The following CTNNA3 variants were observed in gnomAD, a reference collection of about 807,000 sequenced individuals.
The protein encoded by CTNNA3 is catenin alpha 3, also known as catenin alpha-3.
Under a neutral mutation model 95.7 loss-of-function variants are expected in CTNNA3, and 76 were observed. The observed-to-expected ratio is 0.79, with a 90% CI of 0.66 to 0.96. CTNNA3 has a LOEUF of 0.96. Ranked by LOEUF, CTNNA3 falls within the 40% of genes least tolerant of loss-of-function variation. The pLI is 0.00. For missense variants in CTNNA3, 1,191 were observed against 1,089.8 expected (o/e 1.09, Z -1.31); for synonymous variants, 431 against 374.4 (o/e 1.15, Z -1.74).
At chr10:66,243,253 A>G (rs1382880441) in intron 13 of CTNNA3, among the ~76,000 whole-genome samples, 1 of 152,230 alleles carries the variant, frequency 6.6e-6, no homozygotes, top group African/African-American at 2.4e-5. Flanking sequence ...ATATCTTTAA[A>G]CAGCCCTGTA....
At chr10:67,649,570 A>G (rs986517381) in intron 1 of CTNNA3, among the ~76,000 whole-genome samples, 4 of 152,220 alleles carry the variant, frequency 2.6e-5, no homozygotes, top group African/African-American at 7.2e-5. Flanking sequence ...ATAAATCCTT[A>G]AAGAACTTGG....
chr10:67,257,692 C>A (rs534678044), intron 5 of CTNNA3, among the ~76,000 whole-genome samples: 73 of 151,994 alleles, frequency 4.8e-4, no homozygotes, highest in African/African-American at 1.4e-3. Context: ...TTTTGTCTTG[C>A]GTCATTTTTG....
At chr10:67,603,571 G>A (rs1194775950) in intron 3 of CTNNA3, among the ~76,000 whole-genome samples, 2 of 151,004 alleles carry the variant, frequency 1.3e-5, no homozygotes, top group African/African-American at 2.4e-5. Context: ...GTGTATTTGT[G>A]TCTTAGATTT....
chr10:66,200,259 G>A (rs935804450), intron 13 of CTNNA3, among the ~76,000 whole-genome samples: 2 of 151,264 alleles, frequency 1.3e-5, no homozygotes, highest in African/African-American at 4.9e-5. Context: ...GGAGGAGAGG[G>A]AAGGGAAGGC....
intron 7 of CTNNA3, among the ~76,000 whole-genome samples, chr10:67,178,110 G>A (rs995444330): frequency 2.0e-5 from 3 of 152,010 alleles, no homozygotes; most frequent in African/African-American, 7.2e-5. Flanking sequence ...TGACTTCCTG[G>A]GATAGGTCCT....
chr10:66,461,973 C>T (rs371071278), intron 11 of CTNNA3, among the ~76,000 whole-genome samples: 62 of 151,690 alleles, frequency 4.1e-4, no homozygotes, highest in Middle Eastern at 3.4e-3. Context: ...CCACCACACC[C>T]GGCTAATTTT....
chr10:67,221,667 T>A (rs1864665417), intron 5 of CTNNA3, among the ~76,000 whole-genome samples: 1 of 152,104 alleles, frequency 6.6e-6, no homozygotes, highest in Non-Finnish European at 1.5e-5. Flanking sequence ...CTCCGCCTCC[T>A]GGGTTTATGC....
chr10:66,176,680 G>C (rs2085729681), intron 13 of CTNNA3, among the ~76,000 whole-genome samples: 1 of 151,996 alleles, frequency 6.6e-6, no homozygotes, highest in African/African-American at 2.4e-5. Context: ...GCCCCAGAGA[G>C]CTAGCTACCA....
chr10:66,314,428 C>G (rs2092070327), intron 12 of CTNNA3, among the ~76,000 whole-genome samples: 1 of 150,446 alleles, frequency 6.6e-6, no homozygotes, highest in Non-Finnish European at 1.5e-5. Flanking sequence ...TGGAAAACAT[C>G]TGTGTGATTA....
intron 8 of CTNNA3, among the ~76,000 whole-genome samples, chr10:66,771,785 ATGT>A (rs1379428329): frequency 3.9e-5 from 6 of 152,218 alleles, no homozygotes; most frequent in African/African-American, 1.4e-4. Flanking sequence ...TAAATGAGAG[ATGT>A]TGTCATAGCT....
rs1048975116 is a variant in CTNNA3 at position 67,001,193 on chromosome 10, C to T, written c.1047+179124G>A. Reference sequence around the variant, plus strand: ...GTGTGTGCCTGTAATCCCAGCTACTCGGGAGGGTGAGGCAGGAGAATCGCT... The same window carrying T: ...GTGTGTGCCTGTAATCCCAGCTACTTGGGAGGGTGAGGCAGGAGAATCGCT... On this transcript the variant is annotated intron_variant, in intron 7 of 17. Transcript: ENST00000433211. 3.3e-5 allele frequency among the ~76,000 whole-genome samples: 5 copies of T among 149,454 alleles called. No homozygotes were observed. The East Asian group carries it at 7.9e-4, about 24-fold the overall frequency.
rs59062164 is a variant in CTNNA3, at chr10:66,570,275, A to ATTTGTTTTGT, written c.1375-49512_1375-49503dup. Among the ~76,000 whole-genome samples the ATTTGTTTTGT allele has an allele frequency of 5.8e-4, 88 of 151,134 alleles. 1 individual carries two copies. In the South Asian group the frequency reaches 9.1e-3, roughly 16 times the overall value. On this transcript the variant is annotated intron_variant, in intron 10 of 17. Transcript: ENST00000433211. ...TTTCCTTATACCTTTCAAAAATATG[A>ATTTGTTTTGT]TTTGTTTTGTTTTGTTTTGTTTTGT...
intron 11 of CTNNA3, among the ~76,000 whole-genome samples, chr10:66,393,195 G>C (rs7897082): frequency 1.3e-5 from 2 of 151,916 alleles, no homozygotes; most frequent in Non-Finnish European, 1.5e-5. Context: ...GCAAAGCTAC[G>C]GGAACAATAA....
At chr10:66,099,120 G>A (rs1327227748) in intron 14 of CTNNA3, among the ~76,000 whole-genome samples, 1 of 152,178 alleles carries the variant, frequency 6.6e-6, no homozygotes, top group African/African-American at 2.4e-5. Flanking sequence ...CAATACAGCA[G>A]AGTCTGCATG....
intron 13 of CTNNA3, among the ~76,000 whole-genome samples, chr10:66,246,813 G>T (rs545860161): frequency 2.3e-4 from 35 of 152,042 alleles, no homozygotes; most frequent in Non-Finnish European, 2.4e-4. Flanking sequence ...AGCACTTTGG[G>T]AGGCCAAGGC....
chr10:66,560,716 C>T (rs75195212), intron 10 of CTNNA3, among the ~76,000 whole-genome samples: 7,644 of 151,930 alleles, frequency 0.05, 246 homozygotes, highest in African/African-American at 0.075. Context: ...AAAATTCATA[C>T]GTTGAAGTCT....
At chr10:66,717,485 A>G (rs550630286) in intron 9 of CTNNA3, among the ~76,000 whole-genome samples, 59 of 152,260 alleles carry the variant, frequency 3.9e-4, no homozygotes, top group African/African-American at 1.3e-3. Flanking sequence ...AGGCTGTGTT[A>G]TCACAGCGCT....
chr10:67,089,181 T>A (rs1290644554), intron 7 of CTNNA3, among the ~76,000 whole-genome samples: 5 of 152,068 alleles, frequency 3.3e-5, no homozygotes, highest in African/African-American at 1.2e-4. Context: ...GAGGGAGGAC[T>A]GTACTTGTGA....
chr10:67,632,719 T>G (rs191433452), intron 2 of CTNNA3, among the ~76,000 whole-genome samples: 4 of 152,164 alleles, frequency 2.6e-5, no homozygotes, highest in Admixed American at 2.0e-4. Flanking sequence ...CACCAGGGCG[T>G]TGGGTCTGAT....
Sources: allele counts gnomAD v4.1 joint callset (sites outside exome capture counted in the v4.1 genomes callset), GRCh38; gene constraint gnomAD v4.1.1; transcripts MANE v1.5; gene names NCBI Gene and HGNC (gene_info 2026-07-23, HGNC 2026-07-21).